MLLT6: variants seen among roughly 807,000 people sequenced by gnomAD.
MLLT6 encodes MLLT6, PHD finger containing, also known as protein AF-17.
Under a neutral mutation model 103.0 loss-of-function variants are expected in MLLT6, and 22 were observed. The observed-to-expected ratio is 0.21, with a 90% confidence interval of 0.15 to 0.31. The LOEUF (loss-of-function observed/expected upper bound fraction) is 0.31. MLLT6 is among the 10% of genes least tolerant of loss of function. The pLI is 1.00. For missense variants in MLLT6, 1,199 were observed against 1,441.7 expected (o/e 0.83, Z 2.73); for synonymous variants, 606 against 623.5 (o/e 0.97, Z 0.42).
chr17:38,716,886 T>G lies in MLLT6; in HGVS notation c.1556T>G (p.Leu519Arg), dbSNP rs780963186. 1 of 1,613,700 alleles carries G rather than the reference T, an allele frequency of 6.2e-7. No individual in the cohort carries two copies. The highest frequency in any genetic ancestry group is 8.5e-7 in the Non-Finnish European group (1 of 1,179,852). ...GCCTCACCCTTCTCTGGAGGTTCCCTGGTCAGCTCCGGCCTGGGAGGTCTG... is the reference window on the plus strand; with the variant it reads ...GCCTCACCCTTCTCTGGAGGTTCCCGGGTCAGCTCCGGCCTGGGAGGTCTG... The part of the protein sequence containing the change: ...TAASPFSGGS[L>R]VSSGLGGLSS... Residue 519 changes from leucine to arginine, a missense_variant, in exon 10 of 20, where the codon CTG (leucine) becomes CGG (arginine). Physicochemically the swap from Leu to Arg is moderately radical, Grantham distance 102. Around this residue, in one of 7 missense-constraint regions of MLLT6, gnomAD observed 1,034 missense variants for 1,091.5 expected, o/e 0.95. Coordinates refer to ENST00000621332, the MANE Select transcript of MLLT6 (RefSeq NM_005937.4). The surrounding 1 kb of genome is among the most constrained non-coding windows in gnomAD (Gnocchi z 5.6).
chr17:38,719,714 T>G, intron 13 of MLLT6, 36 bp from the exon 14 acceptor site: 2 of 1,594,336 alleles, frequency 1.3e-6, no homozygotes, highest in South Asian at 2.2e-5. Flanking sequence ...CCTGGAGTGG[T>G]CGGGTCGACT....
chr17:38,712,549 A>G, intron 7 of MLLT6, 142 bp from the exon 8 acceptor site: 3 of 633,138 alleles, frequency 4.7e-6, no homozygotes, highest in Admixed American at 2.7e-5. Context: ...TGCCCAGCCC[A>G]TTATCCAGCC....
At chr17:38,713,421 A>C in intron 8 of MLLT6, 8 of 246,430 alleles carry the variant, frequency 3.2e-5, no homozygotes, top group East Asian at 7.5e-5. Flanking sequence ...TGCTCCCTAC[A>C]ACCTGCCCTC....
intron 14 of MLLT6, 47 bp from the exon 15 acceptor site, chr17:38,720,323 CCG>C: frequency 1.1e-6 from 1 of 948,970 alleles, no homozygotes; most frequent in Non-Finnish European, 1.6e-6. Flanking sequence ...TCCCCTGGCC[CCG>C]CCTCCGCCCC....
rs1401021918 is a variant in MLLT6 at position 38,727,171 on chromosome 17, A to G, written c.*1573A>G. The stretch of plus-strand genomic sequence containing the variant: ...TTTTAATAAAGAAAAGAAGATGTGT[A>G]TATTTTTGGCAACGACAGAAACGTA... On this transcript the variant is annotated 3_prime_UTR_variant, in exon 20 of 20. Transcript: ENST00000621332. The G allele has an allele frequency of 4.4e-6, 1 of 225,290 alleles. No individual in the cohort carries two copies. Among genetic ancestry groups the G allele is most frequent in the Non-Finnish European group, 8.6e-6 (1 of 115,812 alleles). 14.0% of individuals were successfully genotyped at this position (225,290 alleles called of 1,614,324 possible). A position where few individuals can be genotyped will look rare whatever the true frequency, so the allele number is the denominator to read the frequency against.
chr17:38,711,083 T>G (rs1331927635), intron 6 of MLLT6, among the ~76,000 whole-genome samples: 1 of 152,096 alleles, frequency 6.6e-6, no homozygotes. Context: ...TGTCCAACAC[T>G]GGGGAGCTGC....
chr17:38,725,451 C>A, intron 19 of MLLT6, 106 bp from the exon 20 acceptor site: 2 of 1,044,424 alleles, frequency 1.9e-6, no homozygotes, highest in East Asian at 2.7e-5. Flanking sequence ...CCATTGGCCC[C>A]GTTTCAGTAC....
At chr17:38,712,558 CCCT>C in intron 7 of MLLT6, 130 bp from the exon 8 acceptor site, 1 of 649,830 alleles carries the variant, frequency 1.5e-6, no homozygotes, top group African/African-American at 1.8e-5. Flanking sequence ...CATTATCCAG[CCCT>C]CCTCAGGGAG....
rs1905695161 is a variant in MLLT6 at position 38,720,911 on chromosome 17, C to T, written c.2442+164C>T. On this transcript the variant is annotated intron_variant, in intron 16 of 19. Coordinates refer to ENST00000621332, the MANE Select transcript of MLLT6 (RefSeq NM_005937.4). The stretch of plus-strand genomic sequence containing the variant: ...AATCAAGTAATATTTATGAGGTGCC[C>T]ACTTAGTGCCAGCCATTGGCTAAGC... 6.5e-5 allele frequency: 43 copies of T among 660,998 alleles called. No homozygotes were observed. The South Asian group carries it at 7.9e-4, about 12-fold the overall frequency. The allele number at this position is 660,998 out of a possible 1,614,324, so 40.9% of individuals were successfully genotyped here. A position where few individuals can be genotyped will look rare whatever the true frequency, so the allele number is the denominator to read the frequency against.
Position 38,726,477 on chromosome 17 carries a change from G to T in MLLT6, c.*879G>T, listed in dbSNP as rs1324206177. On this transcript the variant is annotated 3_prime_UTR_variant, in exon 20 of 20. Transcript: ENST00000621332. Reference sequence around the variant, plus strand: ...ATAGGCGCAGTGGTCAGATGAAGCAGCGCCAGAGAGGGGACCTCCCAGCTC... The same window carrying T: ...ATAGGCGCAGTGGTCAGATGAAGCATCGCCAGAGAGGGGACCTCCCAGCTC... 1 of 233,758 alleles carries T rather than the reference G, an allele frequency of 4.3e-6. No individual in the cohort carries two copies. Among genetic ancestry groups the T allele is most frequent in the African/African-American group, 2.2e-5 (1 of 45,342 alleles). 14.5% of individuals were successfully genotyped at this position (233,758 alleles called of 1,614,324 possible).
At position 38,724,781 on chromosome 17, in the gene MLLT6, A is replaced by G. The variant is rs1339551418; in HGVS notation, c.3045A>G (p.Thr1015=). Residue 1015 remains threonine (T), a synonymous_variant, in exon 19 of 20, where the codon ACA becomes ACG. Coordinates refer to ENST00000621332, the MANE Select transcript of MLLT6 (RefSeq NM_005937.4). The surrounding 1 kb of genome is among the most constrained non-coding windows in gnomAD (Gnocchi z 5.4). Reference sequence around the variant, plus strand: ...CGGGTACCCCTGGCCTGCTGCCCACAGCGTCTGCTCCACCCCTGCTGCCCG... The same window carrying G: ...CGGGTACCCCTGGCCTGCTGCCCACGGCGTCTGCTCCACCCCTGCTGCCCG... ...LSAGTPGLLP[T]ASAPPLLPAG... 1 of 1,607,376 alleles carries G rather than the reference A, an allele frequency of 6.2e-7. No homozygotes were observed. The highest frequency in any genetic ancestry group is 8.5e-7 in the Non-Finnish European group (1 of 1,177,406).
rs1905921300 is a variant in MLLT6 at position 38,724,552 on chromosome 17, GGGCA to G, written c.2884-58_2884-55del. 2.3e-6 allele frequency: 3 copies of G among 1,283,984 alleles called. No individual in the cohort carries two copies. The highest frequency in any genetic ancestry group is 1.5e-5 in the African/African-American group (1 of 67,068). The allele number at this position is 1,283,984 out of a possible 1,614,324, so 79.5% of individuals were successfully genotyped here. On this transcript the variant is annotated intron_variant, in intron 18 of 19. Coordinates refer to ENST00000621332, the MANE Select transcript of MLLT6 (RefSeq NM_005937.4). The surrounding 1 kb of genome is among the most constrained non-coding windows in gnomAD (Gnocchi z 5.4). ...TGATGGGGTGGGGCCTGGCCAGGCAGGGCAGGCAGGCAGCAGGGAAGAGACCCCC... is the reference window on the plus strand; with the variant it reads ...TGATGGGGTGGGGCCTGGCCAGGCAGGGCAGGCAGCAGGGAAGAGACCCCC...
intron 14 of MLLT6, 104 bp downstream of exon 14, chr17:38,719,999 G>A (rs1279618547): frequency 1.2e-5 from 17 of 1,421,956 alleles, no homozygotes; most frequent in Non-Finnish European, 1.5e-5. Flanking sequence ...CTTAGGCCCC[G>A]CCCCAGCCTT....
intron 18 of MLLT6, among the ~76,000 whole-genome samples, chr17:38,723,109 T>G (rs372637636): frequency 1.3e-5 from 2 of 152,188 alleles, no homozygotes. Context: ...TGAGTGGCTG[T>G]GCAGGTGACA....
Position 38,705,570 on chromosome 17 carries a change from C to G in MLLT6, c.-63C>G, listed in dbSNP as rs1597987037. 1.7e-6 allele frequency: 1 copy of G among 581,158 alleles called. No individual in the cohort carries two copies. Among genetic ancestry groups the G allele is most frequent in the African/African-American group, 2.0e-5 (1 of 50,686 alleles). The allele number at this position is 581,158 out of a possible 1,614,324, so 36.0% of individuals were successfully genotyped here. On this transcript the variant is annotated 5_prime_UTR_variant, in exon 1 of 20. Transcript: ENST00000621332. The stretch of plus-strand genomic sequence containing the variant: ...CGCGGCCCCCCGCTCCCTCCCTCCC[C>G]CCTGACCCCCGACCCCCGCCGGCCG...
rs1175640442 is a variant in MLLT6, at chr17:38,719,579, T to G, written c.2005T>G (p.Ser669Ala). Residue 669 changes from serine to alanine, a missense_variant, in exon 13 of 20, where the codon TCC becomes GCC. Ser to Ala is a moderately conservative substitution (Grantham distance 99, BLOSUM62 1). Around this residue, in one of 7 missense-constraint regions of MLLT6, gnomAD observed 1,034 missense variants for 1,091.5 expected, o/e 0.95. Transcript: ENST00000621332. ...GACCTCCCCTCAGGAGAGTCTGTCT[T>G]CCATGTGAGGGAAGGGGCAGCCTGG... is the stretch of plus-strand genomic sequence containing the variant. ...RGTSPQESLSSMSPISSLPAL... is the reference protein window; with the variant it reads ...RGTSPQESLSAMSPISSLPAL... 8 of 1,607,286 alleles carry G rather than the reference T, an allele frequency of 5.0e-6. No individual in the cohort carries two copies. The highest frequency in any genetic ancestry group is 1.3e-5 in the African/African-American group (1 of 74,840).
chr17:38,715,656 G>A lies in MLLT6; in HGVS notation c.864G>A (p.Thr288=), dbSNP rs750306077. 9.3e-6 allele frequency: 15 copies of A among 1,613,854 alleles called. No individual in the cohort carries two copies. Among genetic ancestry groups the A allele is most frequent in the Admixed American group, 3.3e-5 (2 of 59,984 alleles). ...CTTCCTCCCACCACGAGGCCAGCAC[G>A]CAGGAGACCTCTGAGAGCAGCAGGG... ...ASSSSHHEAS[T]QETSESSRES... The change falls in exon 9 of 20, where the codon ACG becomes ACA. Residue 288 remains threonine, a synonymous_variant. Coordinates refer to ENST00000621332, the MANE Select transcript of MLLT6 (RefSeq NM_005937.4).
chr17:38,720,500 C>CCTGCCCTGCCTG lies in MLLT6; in HGVS notation c.2298_2309dup (p.Leu768_Ala771dup), dbSNP rs762948585. On this transcript the variant is annotated inframe_insertion, in exon 15 of 20. Transcript: ENST00000621332. ...CAACGTGCAGCTCTCTGTGCCCTTCCCTGCCCTGCCTGCTGCCCTGCCTGC... is the reference window on the plus strand; with the variant it reads ...CAACGTGCAGCTCTCTGTGCCCTTCCCTGCCCTGCCTGCTGCCCTGCCTGCTGCCCTGCCTGC... 3.1e-6 allele frequency: 5 copies of CCTGCCCTGCCTG among 1,612,472 alleles called. No individual in the cohort carries two copies. Among genetic ancestry groups the CCTGCCCTGCCTG allele is most frequent in the South Asian group, 1.1e-5 (1 of 91,014 alleles).
intron 1 of MLLT6, 127 bp downstream of exon 1, chr17:38,705,868 G>A: frequency 3.2e-6 from 1 of 310,826 alleles, no homozygotes; most frequent in Non-Finnish European, 5.8e-6. Flanking sequence ...GAAGGGAAGG[G>A]AGGCGTAGGG....
Sources: allele counts gnomAD v4.1 joint callset (sites outside exome capture counted in the v4.1 genomes callset), GRCh38; gene constraint gnomAD v4.1.1; regional missense constraint gnomAD v4.1.1; non-coding constraint Gnocchi (gnomAD v3.1); transcripts MANE v1.5; gene names NCBI Gene and HGNC (gene_info 2026-07-23, HGNC 2026-07-21).